The following ZFP90 variants were observed in gnomAD, a reference collection of about 807,000 sequenced individuals.
The protein encoded by ZFP90 is zinc finger protein 90 homolog.
In ZFP90, 38 loss-of-function variants were observed where a neutral mutation model predicts 60.8. That is an observed-to-expected ratio of 0.62 (90% CI 0.48 to 0.82). ZFP90 has a LOEUF of 0.82. Among genes scored for constraint, ZFP90 ranks in the 40% least tolerant of loss-of-function variants. ZFP90 has a pLI of 0.00. For missense variants in ZFP90, 711 were observed against 759.1 expected, an observed-to-expected ratio of 0.94 and a Z score of 0.74; for synonymous variants, 287 against 264.8, an observed-to-expected ratio of 1.08 and a Z score of -0.82.
chr16:68,537,732 A>G (rs1335818437), upstream of ZFP90, among the ~76,000 whole-genome samples: 1 of 151,774 alleles, frequency 6.6e-6, no homozygotes, highest in Non-Finnish European at 1.5e-5. Flanking sequence ...CAACCAGTTA[A>G]TGTTTGTATT....
intron 2 of ZFP90, among the ~76,000 whole-genome samples, chr16:68,540,761 C>T (rs2091029016): frequency 8.1e-6 from 1 of 124,114 alleles, no homozygotes; most frequent in African/African-American, 3.1e-5. Context: ...CGTTTAAGCC[C>T]AGGAATTTGA....
chr16:68,558,232 G>C lies in ZFP90; in HGVS notation c.160+108G>C, dbSNP rs1248901451. ...GGTAACTGTGACCAGGGTGCTCAGG[G>C]GTCAGAGCTTGTTAATCTCATTGGG... is the stretch of plus-strand genomic sequence containing the variant. On this transcript the variant is annotated intron_variant, in intron 3 of 4. Coordinates refer to ENST00000563169, the MANE Select transcript of ZFP90 (RefSeq NM_001305203.2). 9 of 1,508,166 alleles carry C rather than the reference G, an allele frequency of 6.0e-6. No individual in the cohort carries two copies. The East Asian group carries it at 1.8e-4, about 30-fold the overall frequency. The allele number at this position is 1,508,166 out of a possible 1,614,324, so 93.4% of individuals were successfully genotyped here. A position where few individuals can be genotyped will look rare whatever the true frequency, so the allele number is the denominator to read the frequency against.
chr16:68,566,520 A>T lies in ZFP90; in HGVS notation c.*1822A>T, dbSNP rs578036085. The T allele has an allele frequency of 6.1e-6, 6 of 985,536 alleles. No homozygotes were observed. The South Asian group carries it at 2.8e-4, about 46-fold the overall frequency. 61.0% of individuals were successfully genotyped at this position (985,536 alleles called of 1,614,324 possible). ...ATTCTTTGCAGGGAAAAAATTGTGC[A>T]TGGGGGCTGAAATGTAATATGTGTA... is the stretch of plus-strand genomic sequence containing the variant. On this transcript the variant is annotated 3_prime_UTR_variant, in exon 5 of 5. Coordinates refer to ENST00000563169, the MANE Select transcript of ZFP90 (RefSeq NM_001305203.2).
intron 2 of ZFP90, among the ~76,000 whole-genome samples, chr16:68,553,993 G>A (rs900728102): frequency 3.9e-5 from 6 of 152,094 alleles, no homozygotes; most frequent in Non-Finnish European, 7.3e-5. Context: ...TGGGGCAAGA[G>A]TGAGAGGAGA....
Position 68,565,926 on chromosome 16 carries a change from A to T in ZFP90, c.*1228A>T. Reference sequence around the variant, plus strand: ...GACTGCTTGAACCCAGGAGTTCAAGACCAGCCTGGACAACATGGTGAAACC... The same window carrying T: ...GACTGCTTGAACCCAGGAGTTCAAGTCCAGCCTGGACAACATGGTGAAACC... On this transcript the variant is annotated 3_prime_UTR_variant, in exon 5 of 5. Coordinates refer to ENST00000563169, the MANE Select transcript of ZFP90 (RefSeq NM_001305203.2). 2 of 841,728 alleles carry T rather than the reference A, an allele frequency of 2.4e-6. No homozygotes were observed. The highest frequency in any genetic ancestry group is 6.1e-4 in the Middle Eastern group (1 of 1,644). 52.1% of individuals were successfully genotyped at this position (841,728 alleles called of 1,614,324 possible).
downstream of ZFP90, among the ~76,000 whole-genome samples, chr16:68,571,192 T>C (rs1176286110): frequency 6.6e-6 from 1 of 152,102 alleles, no homozygotes; most frequent in Non-Finnish European, 1.5e-5. Context: ...TCAAGGGTTG[T>C]TTTGAGGGAA....
intron 2 of ZFP90, 95 bp downstream of exon 2, chr16:68,539,920 G>T: frequency 1.3e-6 from 2 of 1,494,480 alleles, no homozygotes; most frequent in Non-Finnish European, 9.0e-7. Context: ...TCTGCCTGGC[G>T]ACTCCCTTAC....
At chr16:68,549,981 G>A (rs2152063754) in intron 2 of ZFP90, among the ~76,000 whole-genome samples, 1 of 152,308 alleles carries the variant, frequency 6.6e-6, no homozygotes, top group Non-Finnish European at 1.5e-5. Flanking sequence ...TATATGACAG[G>A]AGGCAGCATT....
intron 1 of ZFP90, 50 bp from the exon 2 acceptor site, chr16:68,539,708 G>A: frequency 1.4e-6 from 2 of 1,406,922 alleles, no homozygotes; most frequent in Non-Finnish European, 1.9e-6. Context: ...GCGGGGCGGG[G>A]TGGGGTCGGT....
intron 2 of ZFP90, among the ~76,000 whole-genome samples, chr16:68,573,170 A>C (rs1435329266): frequency 6.6e-6 from 1 of 152,238 alleles, no homozygotes; most frequent in Non-Finnish European, 1.5e-5. Flanking sequence ...AAGGAGGACA[A>C]GTGGGCAGGA....
At chr16:68,539,543 C>A in intron 1 of ZFP90, 64 bp downstream of exon 1, 1 of 495,380 alleles carries the variant, frequency 2.0e-6, no homozygotes, top group Non-Finnish European at 3.5e-6. Context: ...TCGCCCACCA[C>A]CCTGCGAAGG....
downstream of ZFP90, among the ~76,000 whole-genome samples, chr16:68,569,976 T>G (rs2091559140): frequency 6.6e-6 from 1 of 152,104 alleles, no homozygotes; most frequent in Non-Finnish European, 1.5e-5. Context: ...TATTTTTTTT[T>G]TCGTCTACTG....
rs758692676 is a variant in ZFP90 at position 68,563,546 on chromosome 16, C to T, written c.759C>T (p.His253=). The T allele has an allele frequency of 1.2e-5, 19 of 1,614,080 alleles. No homozygotes were observed. The Admixed American group carries it at 2.8e-4, about 24-fold the overall frequency. ...TDQGIYPGKK[H]HECTDCGKTF... ...AAGGAATTTATCCTGGAAAGAAACA[C>T]CATGAATGTACCGACTGTGGGAAAA... Residue 253 remains histidine (H), a synonymous_variant, in exon 5 of 5, where the codon CAC becomes CAT. Transcript: ENST00000563169.
intron 2 of ZFP90, among the ~76,000 whole-genome samples, chr16:68,543,927 G>T (rs558941897): frequency 7.1e-6 from 1 of 140,348 alleles, no homozygotes; most frequent in Non-Finnish European, 1.5e-5. Context: ...ATGTTGTCTC[G>T]CTGCAACCTC....
At position 68,573,592 on chromosome 16, in the gene ZFP90, T is replaced by C. The variant is rs1425980688; in HGVS notation, c.224-2199T>C. ...GATCCTAACATGGGATTTGACAGTG[T>C]TGGGGAGTGGGAAGGCATTTTAAGG... is the stretch of plus-strand genomic sequence containing the variant. On this transcript the variant is annotated intron_variant, in intron 2 of 2. Coordinates refer to the ZFP90 transcript ENST00000573113. Among the ~76,000 whole-genome samples, 3 of 152,262 alleles carry C rather than the reference T, an allele frequency of 2.0e-5. No individual in the cohort carries two copies. In the East Asian group the frequency reaches 5.8e-4, roughly 29 times the overall value.
In ZFP90 at chr16:68,558,094, C is replaced by T; in HGVS notation, c.130C>T (p.Leu44=). 6.2e-7 allele frequency: 1 copy of T among 1,613,828 alleles called. No individual in the cohort carries two copies. The highest frequency in any genetic ancestry group is 8.5e-7 in the Non-Finnish European group (1 of 1,179,902). ...GAGGAGCTTATACAGGGATGTGATG[C>T]TGGAGAACTATAGCCACCTGGTTTC... The part of the protein sequence containing the change: ...AQRSLYRDVM[L]ENYSHLVSLG... The change falls in exon 3 of 5, where the codon CTG becomes TTG. Residue 44 remains leucine (L), a synonymous_variant. Transcript: ENST00000563169.
intron 2 of ZFP90, chr16:68,575,746 G>C (rs2091591059): frequency 2.5e-5 from 10 of 398,064 alleles, no homozygotes; most frequent in East Asian, 1.4e-4. Flanking sequence ...ACTGTCTTCA[G>C]CTTGAAGGTT....
At chr16:68,535,473 CT>C (rs2090953411), upstream of ZFP90, 1 of 152,158 alleles carries the variant, frequency 6.6e-6, no homozygotes, top group African/African-American at 2.4e-5. Flanking sequence ...GGTTTTGTCA[CT>C]TGGCTCTTGT....
chr16:68,569,283 C>T (rs940035899), downstream of ZFP90, among the ~76,000 whole-genome samples: 1 of 151,978 alleles, frequency 6.6e-6, no homozygotes, highest in Non-Finnish European at 1.5e-5. Context: ...ACTACAGGCA[C>T]GTACCACCAT....
Sources: allele counts gnomAD v4.1 joint callset (sites outside exome capture counted in the v4.1 genomes callset), GRCh38; gene constraint gnomAD v4.1.1; transcripts MANE v1.5; gene names NCBI Gene and HGNC (gene_info 2026-07-23, HGNC 2026-07-21).